TCP10L: variants seen among roughly 807,000 people sequenced by gnomAD.
The protein encoded by TCP10L is t-complex 10 like.
A neutral mutation model predicts 19.2 loss-of-function variants in TCP10L; 11 were observed. That is an observed-to-expected ratio of 0.57 (90% CI 0.36 to 0.95). The LOEUF (loss-of-function observed/expected upper bound fraction) is 0.95. Ranked by LOEUF, TCP10L falls within the 40% of genes least tolerant of loss-of-function variation. TCP10L has a pLI of 0.01. For missense variants in TCP10L, 247 were observed against 263.9 expected (o/e 0.94, Z 0.44); for synonymous variants, 96 against 97.2 (o/e 0.99, Z 0.07).
In TCP10L at chr21:32,575,921, G is replaced by A. The variant is rs1335106646; in HGVS notation, c.*853C>T. 2.1e-5 allele frequency: 4 copies of A among 188,750 alleles called. No homozygotes were observed. The highest frequency in any genetic ancestry group is 1.3e-4 in the East Asian group (1 of 7,460). The allele number at this position is 188,750 out of a possible 1,614,324, so 11.7% of individuals were successfully genotyped here. ...CAAGTGCATCTAGCCCCAGCCACAC[G>A]CCTTCTGCTGGGAGTGTGCTCAGAG... is the stretch of plus-strand genomic sequence containing the variant. On this transcript the variant is annotated 3_prime_UTR_variant, in exon 5 of 5. Transcript: ENST00000300258.
intron 2 of TCP10L, among the ~76,000 whole-genome samples, chr21:32,583,185 C>A (rs1419307916): frequency 6.6e-6 from 1 of 151,744 alleles, no homozygotes. Flanking sequence ...CAGGCACATG[C>A]CACCACACCT....
chr21:32,582,231 G>A lies in TCP10L; in HGVS notation c.329C>T (p.Ser110Phe), dbSNP rs759080022. Residue 110 changes from serine (S) to phenylalanine (F), a missense_variant, in exon 3 of 5, where the codon TCC (serine) becomes TTC (phenylalanine). Ser to Phe is a radical substitution (Grantham distance 155). Transcript: ENST00000300258. This position sits in a 1 kb window ranked among gnomAD's most constrained non-coding sequence, Gnocchi z 4.2. ...RWKARKKSAA[S>F]PHAGQESHTL... is the part of the protein sequence containing the mutation. ...GTGCGATTCTTGCCCCGCGTGTGGGGACGCTGCAGATTTCTTCCTGGCTTT... is the reference window on the plus strand; with the variant it reads ...GTGCGATTCTTGCCCCGCGTGTGGGAACGCTGCAGATTTCTTCCTGGCTTT... 8.1e-6 allele frequency: 13 copies of A among 1,614,076 alleles called. No homozygotes were observed. Among genetic ancestry groups the A allele is most frequent in the Admixed American group, 1.7e-5 (1 of 60,002 alleles).
At chr21:32,584,079 A>C (rs2038529858) in intron 2 of TCP10L, 82 bp downstream of exon 2, 1 of 1,514,386 alleles carries the variant, frequency 6.6e-7, no homozygotes, top group Admixed American at 2.0e-5. Flanking sequence ...CCAGCAAGGG[A>C]AAGTCCAATG....
chr21:32,577,008 C>A (rs1601121178), intron 4 of TCP10L, 85 bp from the exon 5 acceptor site: 2 of 1,389,560 alleles, frequency 1.4e-6, no homozygotes, highest in East Asian at 4.6e-5. Context: ...CCAGCTATCA[C>A]AGAATGTAGA....
intron 3 of TCP10L, among the ~76,000 whole-genome samples, chr21:32,580,951 CG>C (rs1164665396): frequency 1.3e-5 from 2 of 152,190 alleles, no homozygotes; most frequent in Admixed American, 6.5e-5. Context: ...TGGAGAAGAA[CG>C]GGGTCCCTGG....
Position 32,584,205 on chromosome 21 carries a change from C to A in TCP10L, c.100G>T (p.Ala34Ser), listed in dbSNP as rs775697676. 7 of 1,614,000 alleles carry A rather than the reference C, an allele frequency of 4.3e-6. No individual in the cohort carries two copies. In the Admixed American group the frequency reaches 8.3e-5, roughly 19 times the overall value. Residue 34 changes from alanine (A) to serine (S), a missense_variant, in exon 2 of 5, where the codon GCA (alanine) becomes TCA (serine). Coordinates refer to ENST00000300258, the MANE Select transcript of TCP10L (RefSeq NM_144659.7). ...AGAVMEKTAV[A>S]AEVLTEDCNT... The stretch of plus-strand genomic sequence containing the variant: ...CAGTCCTCCGTGAGAACCTCGGCTG[C>A]CACAGCTGTCTTCTCCATGACAGCC...
rs189503415 is a variant in TCP10L at position 32,582,097 on chromosome 21, C to T, written c.360+103G>A. ...TAGCAACCCCTCCCACCACCCGGAGCGTGAGTGATACCGCGTCATTCAGCA... is the reference window on the plus strand; with the variant it reads ...TAGCAACCCCTCCCACCACCCGGAGTGTGAGTGATACCGCGTCATTCAGCA... On this transcript the variant is annotated intron_variant, in intron 3 of 4. Transcript: ENST00000300258. The surrounding 1 kb of genome is among the most constrained non-coding windows in gnomAD (Gnocchi z 4.2). The T allele has an allele frequency of 3.0e-5, 40 of 1,316,304 alleles. No homozygotes were observed. Among genetic ancestry groups the T allele is most frequent in the African/African-American group, 2.8e-4 (19 of 68,124 alleles). The allele number at this position is 1,316,304 out of a possible 1,614,324, so 81.5% of individuals were successfully genotyped here.
chr21:32,583,955 C>T (rs1601128456), intron 2 of TCP10L, among the ~76,000 whole-genome samples: 1 of 152,220 alleles, frequency 6.6e-6, no homozygotes, highest in East Asian at 1.9e-4. Flanking sequence ...CTTTAACTCC[C>T]TGCCCTGCCT....
At position 32,576,451 on chromosome 21, in the gene TCP10L, T is replaced by C. The variant is rs935231814; in HGVS notation, c.*323A>G. 2.7e-5 allele frequency: 19 copies of C among 699,230 alleles called. No individual in the cohort carries two copies. The African/African-American group carries it at 3.2e-4, about 12-fold the overall frequency. 43.3% of individuals were successfully genotyped at this position (699,230 alleles called of 1,614,324 possible). A position where few individuals can be genotyped will look rare whatever the true frequency, so the allele number is the denominator to read the frequency against. On this transcript the variant is annotated 3_prime_UTR_variant, in exon 5 of 5. Coordinates refer to ENST00000300258, the MANE Select transcript of TCP10L (RefSeq NM_144659.7). ...TCGATTTCCAGCAAGACCCCAGGGC[T>C]CACCCAACAGCCCGACACTCCATAC...
At position 32,576,263 on chromosome 21, in the gene TCP10L, C is replaced by G; in HGVS notation, c.*511G>C. 1 of 1,574,134 alleles carries G rather than the reference C, an allele frequency of 6.4e-7. No homozygotes were observed. The highest frequency in any genetic ancestry group is 8.7e-7 in the Non-Finnish European group (1 of 1,150,914). On this transcript the variant is annotated 3_prime_UTR_variant, in exon 5 of 5. Coordinates refer to ENST00000300258, the MANE Select transcript of TCP10L (RefSeq NM_144659.7). ...TCCTGCAGCATGGCGGCCTGGGAAG[C>G]CTGCACTGGTGATTTTCTGCCACTC...
chr21:32,577,015 T>C, intron 4 of TCP10L, 92 bp from the exon 5 acceptor site: 3 of 1,314,134 alleles, frequency 2.3e-6, no homozygotes, highest in Non-Finnish European at 3.2e-6. Context: ...TCACAGAATG[T>C]AGATGATTCT....
At chr21:32,581,270 T>C (rs1215984780) in intron 3 of TCP10L, among the ~76,000 whole-genome samples, 2 of 152,240 alleles carry the variant, frequency 1.3e-5, no homozygotes, top group Non-Finnish European at 2.9e-5. Flanking sequence ...GAAAACTGCC[T>C]TCCCACTCCA....
At position 32,576,877 on chromosome 21, in the gene TCP10L, GGT is replaced by G; in HGVS notation, c.543_544del (p.Pro182ThrfsTer4). 1 of 1,614,044 alleles carries G rather than the reference GGT, an allele frequency of 6.2e-7. No individual in the cohort carries two copies. Among genetic ancestry groups the G allele is most frequent in the Middle Eastern group, 1.6e-4 (1 of 6,062 alleles). On this transcript the variant is annotated frameshift_variant, in exon 5 of 5. Coordinates refer to ENST00000300258, the MANE Select transcript of TCP10L (RefSeq NM_144659.7). LOFTEE classifies it low-confidence loss of function (END_TRUNC). ...AAGATTTTTATCTCTATTTTCCTGTGGTGGTGTTTTCCACGAGCTAATTCTTT... is the reference window on the plus strand; with the variant it reads ...AAGATTTTTATCTCTATTTTCCTGTGGGTGTTTTCCACGAGCTAATTCTTT...
chr21:32,579,301 T>A (rs769248436), intron 3 of TCP10L, among the ~76,000 whole-genome samples: 1 of 152,176 alleles, frequency 6.6e-6, no homozygotes, highest in African/African-American at 2.4e-5. Flanking sequence ...TGAGGTATAT[T>A]AGGTCTGGAA....
In TCP10L at chr21:32,578,941, G is replaced by T. The variant is rs2038463660; in HGVS notation, c.361-110C>A. 2.6e-6 allele frequency: 4 copies of T among 1,537,210 alleles called. No individual in the cohort carries two copies. In the Admixed American group the frequency reaches 5.7e-5, roughly 22 times the overall value. ...TGTCCTAGAAAAAAATAGGGTACAA[G>T]GTAGGGGGACTTGGACTGGGTTTTC... On this transcript the variant is annotated intron_variant, in intron 3 of 4. Coordinates refer to ENST00000300258, the MANE Select transcript of TCP10L (RefSeq NM_144659.7). The surrounding 1 kb of genome is among the most constrained non-coding windows in gnomAD (Gnocchi z 4.2).
rs755824401 is a variant in TCP10L at position 32,582,620 on chromosome 21, TCTCA to T, written c.145-209_145-206del. The stretch of plus-strand genomic sequence containing the variant: ...TTTCTTTTCTTTTCTTTTTTCAGGG[TCTCA>T]CTCAGTCACTCAGGCTGGAGTGCAG... On this transcript the variant is annotated intron_variant, in intron 2 of 4. Transcript: ENST00000300258. The surrounding 1 kb of genome is among the most constrained non-coding windows in gnomAD (Gnocchi z 4.2). Among the ~76,000 whole-genome samples, 5 of 152,104 alleles carry T rather than the reference TCTCA, an allele frequency of 3.3e-5. No homozygotes were observed. The highest frequency in any genetic ancestry group is 7.4e-5 in the Non-Finnish European group (5 of 68,014).
chr21:32,579,856 C>A (rs540609164), intron 3 of TCP10L, among the ~76,000 whole-genome samples: 1 of 152,168 alleles, frequency 6.6e-6, no homozygotes, highest in South Asian at 2.1e-4. Flanking sequence ...GTGGACAATC[C>A]CGGCCAGTAT....
At position 32,576,464 on chromosome 21, in the gene TCP10L, C is replaced by T. The variant is rs531972365; in HGVS notation, c.*310G>A. 5.1e-5 allele frequency: 33 copies of T among 652,996 alleles called. No individual in the cohort carries two copies. The highest frequency in any genetic ancestry group is 2.6e-4 in the African/African-American group (14 of 54,858). The allele number at this position is 652,996 out of a possible 1,614,324, so 40.5% of individuals were successfully genotyped here. A position where few individuals can be genotyped will look rare whatever the true frequency, so the allele number is the denominator to read the frequency against. On this transcript the variant is annotated 3_prime_UTR_variant, in exon 5 of 5. Transcript: ENST00000300258. ...AGACCCCAGGGCTCACCCAACAGCC[C>T]GACACTCCATACTACAAGGTGGGTT... is the stretch of plus-strand genomic sequence containing the variant.
rs2038505605 is a variant in TCP10L, at chr21:32,582,378, A to G, written c.182T>C (p.Leu61Pro). Residue 61 changes from leucine (L) to proline (P), a missense_variant, in exon 3 of 5, where the codon CTT (leucine) becomes CCT (proline). Transcript: ENST00000300258. The surrounding 1 kb of genome is among the most constrained non-coding windows in gnomAD (Gnocchi z 4.2). ...AGCCCACAGAGACTTCTGTCTCCCA[A>G]GCTCTTGGTGGAGTCTGATGATCTG... is the stretch of plus-strand genomic sequence containing the variant. ...QQQIIRLHQE[L>P]GRQKSLWADV... The G allele has an allele frequency of 1.2e-6, 2 of 1,613,508 alleles. No individual in the cohort carries two copies. Among genetic ancestry groups the G allele is most frequent in the African/African-American group, 2.7e-5 (2 of 74,832 alleles).
Sources: gnomAD v4.1 joint callset for allele counts (sites outside exome capture counted in the v4.1 genomes callset) on GRCh38, gnomAD v4.1.1 for gene constraint, Gnocchi (gnomAD v3.1) non-coding constraint, MANE v1.5 for transcripts, NCBI Gene and HGNC (gene_info 2026-07-23, HGNC 2026-07-21) for gene names.